CRPPA: variants seen among roughly 807,000 people sequenced by gnomAD.
CRPPA encodes the protein D-ribitol-5-phosphate cytidylyltransferase.
In CRPPA, 43 loss-of-function variants were observed where a neutral mutation model predicts 52.0. That is an observed-to-expected ratio of 0.83 (90% CI 0.65 to 1.07). The LOEUF (loss-of-function observed/expected upper bound fraction) is 1.07. Ranked by LOEUF, CRPPA falls within the 50% of genes least tolerant of loss-of-function variation. CRPPA has a pLI of 0.00. For missense variants in CRPPA, 629 were observed against 551.7 expected, an observed-to-expected ratio of 1.14 and a Z score of -1.40; for synonymous variants, 250 against 203.5, an observed-to-expected ratio of 1.23 and a Z score of -1.94.
intron 9 of CRPPA, among the ~76,000 whole-genome samples, chr7:16,173,306 T>G (rs1226815061): frequency 6.6e-6 from 1 of 152,194 alleles, no homozygotes; most frequent in South Asian, 2.1e-4. Context: ...AAGTATTCCA[T>G]TGTTTTATGT....
chr7:16,283,662 C>G (rs1377596803), intron 5 of CRPPA, among the ~76,000 whole-genome samples: 1 of 151,466 alleles, frequency 6.6e-6, no homozygotes, highest in African/African-American at 2.4e-5. Flanking sequence ...CTTTAATCTT[C>G]TGTGTGGCAA....
At chr7:16,253,528 T>C (rs1783519810) in intron 8 of CRPPA, among the ~76,000 whole-genome samples, 1 of 152,202 alleles carries the variant, frequency 6.6e-6, no homozygotes, top group Non-Finnish European at 1.5e-5. Context: ...CTTCCAACTA[T>C]ATGGTCAATT....
At chr7:16,215,640 A>T (rs995278867) in intron 9 of CRPPA, among the ~76,000 whole-genome samples, 2 of 152,218 alleles carry the variant, frequency 1.3e-5, no homozygotes, top group African/African-American at 4.8e-5. Context: ...AAAAGTAAAT[A>T]ATCTTAAATT....
At chr7:16,174,767 G>C (rs185735346) in intron 9 of CRPPA, among the ~76,000 whole-genome samples, 2 of 152,156 alleles carry the variant, frequency 1.3e-5, no homozygotes, top group East Asian at 3.9e-4. Flanking sequence ...AATGGATTCT[G>C]AATTATTTAG....
chr7:16,335,053 C>A (rs1785643835), intron 3 of CRPPA, among the ~76,000 whole-genome samples: 1 of 147,862 alleles, frequency 6.8e-6, no homozygotes, highest in African/African-American at 2.5e-5. Flanking sequence ...GGTGAAGTGG[C>A]TCACACATGT....
At chr7:16,330,215 G>A (rs537518130) in intron 3 of CRPPA, among the ~76,000 whole-genome samples, 3 of 152,306 alleles carry the variant, frequency 2.0e-5, no homozygotes, top group Non-Finnish European at 2.9e-5. Context: ...TTTATATTTT[G>A]TAAGCTTATG....
intron 5 of CRPPA, among the ~76,000 whole-genome samples, chr7:16,289,416 G>A (rs760636982): frequency 6.6e-6 from 1 of 151,804 alleles, no homozygotes; most frequent in Non-Finnish European, 1.5e-5. Flanking sequence ...ATAAAGCAGA[G>A]ACACAAAACC....
intron 3 of CRPPA, among the ~76,000 whole-genome samples, chr7:16,326,478 G>A (rs1785393040): frequency 6.6e-6 from 1 of 152,174 alleles, no homozygotes; most frequent in African/African-American, 2.4e-5. Context: ...GAATCCTCCT[G>A]TGAGCAGAGG....
intron 8 of CRPPA, among the ~76,000 whole-genome samples, chr7:16,253,327 A>T (rs1475474043): frequency 2.0e-5 from 3 of 152,184 alleles, no homozygotes; most frequent in Non-Finnish European, 4.4e-5. Flanking sequence ...TTGATTTCAA[A>T]GAACATCTGT....
chr7:16,409,247 A>T (rs1363565687), intron 1 of CRPPA, among the ~76,000 whole-genome samples: 1 of 152,090 alleles, frequency 6.6e-6, no homozygotes, highest in Non-Finnish European at 1.5e-5. Flanking sequence ...ACTCCCCCAA[A>T]TCTTCCAGAA....
chr7:16,300,500 G>T (rs567787771), intron 5 of CRPPA, among the ~76,000 whole-genome samples: 1 of 152,156 alleles, frequency 6.6e-6, no homozygotes, highest in Non-Finnish European at 1.5e-5. Flanking sequence ...TTTGCTAGGA[G>T]TCCATATTTT....
chr7:16,398,166 GAC>G (rs1787665864), intron 2 of CRPPA, among the ~76,000 whole-genome samples: 1 of 151,958 alleles, frequency 6.6e-6, no homozygotes, highest in South Asian at 2.1e-4. Flanking sequence ...TGACACAATT[GAC>G]ACATGATCGG....
At chr7:16,175,528 T>C (rs1781276308) in intron 9 of CRPPA, among the ~76,000 whole-genome samples, 1 of 152,172 alleles carries the variant, frequency 6.6e-6, no homozygotes, top group Admixed American at 6.5e-5. Context: ...CTTCTCCATC[T>C]TGTGTCGCTG....
At chr7:16,318,802 G>T (rs984809) in intron 3 of CRPPA, among the ~76,000 whole-genome samples, 5 of 152,134 alleles carry the variant, frequency 3.3e-5, no homozygotes, top group Admixed American at 6.5e-5. Context: ...AGTCAGGCAA[G>T]CAAATCAAGG....
chr7:16,329,184 A>G (rs1785489996), intron 3 of CRPPA, among the ~76,000 whole-genome samples: 1 of 152,182 alleles, frequency 6.6e-6, no homozygotes, highest in Non-Finnish European at 1.5e-5. Context: ...GGGCTTGTTC[A>G]AGACCCCACA....
intron 9 of CRPPA, among the ~76,000 whole-genome samples, chr7:16,133,513 G>C (rs1378484433): frequency 1.6e-5 from 2 of 124,090 alleles, no homozygotes; most frequent in Non-Finnish European, 3.7e-5. Flanking sequence ...CAGTGGGCTC[G>C]AATGTTGCAA....
intron 9 of CRPPA, among the ~76,000 whole-genome samples, chr7:16,173,158 C>G (rs1251536879): frequency 2.0e-5 from 3 of 152,158 alleles, no homozygotes; most frequent in Non-Finnish European, 4.4e-5. Context: ...CAGACCAATT[C>G]AATGAAAAAT....
At chr7:16,158,996 A>G (rs1032201925) in intron 9 of CRPPA, among the ~76,000 whole-genome samples, 1 of 152,184 alleles carries the variant, frequency 6.6e-6, no homozygotes, top group Non-Finnish European at 1.5e-5. Flanking sequence ...AACCGAACTG[A>G]TTTCCATAAA....
chr7:16,404,469 G>A (rs992405354), intron 2 of CRPPA, among the ~76,000 whole-genome samples: 1 of 151,966 alleles, frequency 6.6e-6, no homozygotes, highest in Non-Finnish European at 1.5e-5. Context: ...GACTTCTTTT[G>A]CCTTTTACAA....
Sources: allele counts gnomAD v4.1 joint callset (sites outside exome capture counted in the v4.1 genomes callset), GRCh38; gene constraint gnomAD v4.1.1; transcripts MANE v1.5; gene names NCBI Gene and HGNC (gene_info 2026-07-23, HGNC 2026-07-21).